The following SBF2 variants were observed in gnomAD, a reference collection of about 807,000 sequenced individuals.
SBF2 encodes the protein myotubularin-related protein 13.
In SBF2, 112 loss-of-function variants were observed where a neutral mutation model predicts 225.2. That is an observed-to-expected ratio of 0.50 (90% CI 0.43 to 0.58). The LOEUF (loss-of-function observed/expected upper bound fraction) is 0.58, where lower values mean the gene tolerates loss of function less well. Among genes scored for constraint, SBF2 ranks in the 20% least tolerant of loss-of-function variants. SBF2 has a pLI of 0.00. For synonymous variants in SBF2, 763 were observed against 773.3 expected, an observed-to-expected ratio of 0.99 and a Z score of 0.22; for missense variants, 1,996 against 2,206.2, an observed-to-expected ratio of 0.90 and a Z score of 1.91.
chr11:9,988,771 G>A (rs527571922), intron 13 of SBF2, among the ~76,000 whole-genome samples: 57 of 152,266 alleles, frequency 3.7e-4, no homozygotes, highest in African/African-American at 1.3e-3. Context: ...TGGAGTGGAT[G>A]TGGTAACAGG....
chr11:10,178,939 C>T (rs1049971810), intron 2 of SBF2, among the ~76,000 whole-genome samples: 3 of 142,470 alleles, frequency 2.1e-5, no homozygotes, highest in Non-Finnish European at 4.6e-5. Flanking sequence ...GACTTGGAAC[C>T]AACCCAAATG....
chr11:10,290,523 T>C (rs1964095523), intron 1 of SBF2, among the ~76,000 whole-genome samples: 1 of 151,958 alleles, frequency 6.6e-6, no homozygotes, highest in African/African-American at 2.4e-5. Flanking sequence ...TATGGACTCT[T>C]AGATCCAGAC....
At chr11:10,254,473 G>A (rs961463126) in intron 1 of SBF2, among the ~76,000 whole-genome samples, 2 of 151,698 alleles carry the variant, frequency 1.3e-5, no homozygotes, top group Non-Finnish European at 2.9e-5. Context: ...ATCTCAAAGC[G>A]ATATATGTGC....
intron 16 of SBF2, among the ~76,000 whole-genome samples, chr11:9,931,116 G>A (rs924738065): frequency 6.6e-6 from 1 of 152,252 alleles, no homozygotes; most frequent in Non-Finnish European, 1.5e-5. Flanking sequence ...CGAACTGGGC[G>A]GAGCCCACTG....
chr11:10,156,093 C>T (rs73412902), intron 2 of SBF2, among the ~76,000 whole-genome samples: 1,691 of 152,332 alleles, frequency 0.011, 38 homozygotes, highest in African/African-American at 0.038. Context: ...GGAAGCCCCC[C>T]CTATCCCCAC....
intron 32 of SBF2, among the ~76,000 whole-genome samples, chr11:9,804,195 T>A (rs1317925292): frequency 6.6e-6 from 1 of 151,976 alleles, no homozygotes; most frequent in Non-Finnish European, 1.5e-5. Context: ...CAGACACAAC[T>A]GGGTTAGTGG....
At chr11:10,121,999 A>G (rs1953476452) in intron 2 of SBF2, among the ~76,000 whole-genome samples, 1 of 152,232 alleles carries the variant, frequency 6.6e-6, no homozygotes, top group Non-Finnish European at 1.5e-5. Context: ...TATTTTACTT[A>G]GTAATGTCCC....
intron 1 of SBF2, among the ~76,000 whole-genome samples, chr11:10,207,769 G>T (rs780472550): frequency 5.9e-5 from 9 of 151,676 alleles, no homozygotes; most frequent in Non-Finnish European, 1.0e-4. Flanking sequence ...CAAGCCCAAA[G>T]GCACAATAAT....
At chr11:10,010,876 A>G (rs1948424661) in intron 6 of SBF2, among the ~76,000 whole-genome samples, 1 of 152,084 alleles carries the variant, frequency 6.6e-6, no homozygotes, top group Non-Finnish European at 1.5e-5. Context: ...ATTAGCATGG[A>G]ATGTTTTTCC....
At chr11:9,782,298 A>G (rs1852065177) in intron 38 of SBF2, among the ~76,000 whole-genome samples, 1 of 152,210 alleles carries the variant, frequency 6.6e-6, no homozygotes, top group Admixed American at 6.5e-5. Context: ...AAAAAGATAA[A>G]GTAGAAAAAT....
chr11:9,927,685 G>A (rs1420335592), intron 16 of SBF2, among the ~76,000 whole-genome samples: 1 of 152,042 alleles, frequency 6.6e-6, no homozygotes, highest in Non-Finnish European at 1.5e-5. Flanking sequence ...AAAACTATCT[G>A]ATCACCTTAA....
intron 2 of SBF2, among the ~76,000 whole-genome samples, chr11:10,184,530 A>C (rs929165093): frequency 1.3e-5 from 2 of 152,222 alleles, no homozygotes; most frequent in Admixed American, 6.5e-5. Flanking sequence ...TGTTAAGTAC[A>C]TTCACACTGT....
intron 28 of SBF2, 108 bp from the exon 29 acceptor site, chr11:9,817,132 C>G (rs914144683): frequency 1.8e-5 from 21 of 1,182,164 alleles, no homozygotes; most frequent in Non-Finnish European, 2.0e-5. Flanking sequence ...TCATAGCAAG[C>G]TGATTAATCT....
intron 12 of SBF2, among the ~76,000 whole-genome samples, chr11:9,990,193 G>T (rs944997392): frequency 2.0e-5 from 3 of 152,044 alleles, no homozygotes; most frequent in Admixed American, 1.3e-4. Flanking sequence ...TTGTGGGGGG[G>T]TAAATAGATG....
intron 2 of SBF2, among the ~76,000 whole-genome samples, chr11:10,111,728 T>C (rs896494873): frequency 6.6e-6 from 1 of 152,074 alleles, no homozygotes; most frequent in Non-Finnish European, 1.5e-5. Flanking sequence ...ATATGAAAAA[T>C]TAGCTGGGCG....
At chr11:10,012,309 T>C (rs1035405609) in intron 6 of SBF2, among the ~76,000 whole-genome samples, 6 of 152,222 alleles carry the variant, frequency 3.9e-5, no homozygotes, top group Admixed American at 3.9e-4. Context: ...CACACCTGGC[T>C]AGTTTTTTAT....
At position 9,793,500 on chromosome 11, in the gene SBF2, G is replaced by A. The variant is rs138315401; in HGVS notation, c.4570+2331C>T. On this transcript the variant is annotated intron_variant, in intron 33 of 39. Transcript: ENST00000256190. ...TGCCTCATGGGGTCAAGAAGTTCTC[G>A]TGCTTCAGCCTCCCAAATAGCTGGG... is the stretch of plus-strand genomic sequence containing the variant. Among the ~76,000 whole-genome samples the A allele has an allele frequency of 6.3e-4, 96 of 152,210 alleles. 1 individual carries two copies. Among genetic ancestry groups the A allele is most frequent in the African/African-American group, 2.2e-3 (91 of 41,522 alleles).
chr11:10,271,361 TAAG>T (rs1443939900), intron 1 of SBF2, among the ~76,000 whole-genome samples: 5 of 116,926 alleles, frequency 4.3e-5, no homozygotes, highest in African/African-American at 1.4e-4. Flanking sequence ...CAGAGAAACG[TAAG>T]AATACAAAAA....
chr11:9,972,260 A>C (rs957071470), intron 13 of SBF2, among the ~76,000 whole-genome samples: 3 of 151,196 alleles, frequency 2.0e-5, no homozygotes, highest in African/African-American at 7.3e-5. Flanking sequence ...AGAACACACA[A>C]ACACACACAC....
Sources: allele counts gnomAD v4.1 joint callset (sites outside exome capture counted in the v4.1 genomes callset), GRCh38; gene constraint gnomAD v4.1.1; transcripts MANE v1.5; gene names NCBI Gene and HGNC (gene_info 2026-07-23, HGNC 2026-07-21).